The following ZDHHC11B variants were observed in gnomAD, a reference collection of about 807,000 sequenced individuals.
ZDHHC11B encodes the protein zDHHC palmitoyltransferase 11B (putative), also known as probable palmitoyltransferase ZDHHC11B.
ZDHHC11B carries 17 observed loss-of-function variants against 42.3 expected under a neutral mutation model. The ratio of observed to expected loss-of-function variants is 0.40; its 90% CI spans 0.27 to 0.60. The LOEUF (loss-of-function observed/expected upper bound fraction) is 0.60, where lower values mean the gene tolerates loss of function less well. ZDHHC11B is among the 20% of genes least tolerant of loss of function. The probability of loss-of-function intolerance (pLI) is 0.41; values close to 1 mark genes in which losing one functional copy is unlikely to be tolerated. For synonymous variants in ZDHHC11B, 123 were observed against 193.5 expected, an observed-to-expected ratio of 0.64 and a Z score of 3.02; for missense variants, 262 against 463.2, an observed-to-expected ratio of 0.57 and a Z score of 3.99.
chr5:720,661 ACT>A (rs1299572899), intron 12 of ZDHHC11B, among the ~76,000 whole-genome samples: 4 of 151,838 alleles, frequency 2.6e-5, no homozygotes, highest in African/African-American at 9.7e-5. Context: ...TGGGTTTGTA[ACT>A]CTTTTTTTCT....
At chr5:730,666 A>G (rs1284374635) in intron 11 of ZDHHC11B, among the ~76,000 whole-genome samples, 198 bp from the exon 12 acceptor site, 1 of 151,662 alleles carries the variant, frequency 6.6e-6, no homozygotes, top group African/African-American at 2.4e-5. Flanking sequence ...GCTGAACTAT[A>G]TCCTCCTCCA....
At chr5:753,230 TC>T (rs1290810285) in intron 6 of ZDHHC11B, among the ~76,000 whole-genome samples, 1 of 128,008 alleles carries the variant, frequency 7.8e-6, no homozygotes, top group Non-Finnish European at 1.8e-5. Flanking sequence ...CAGCTCGGCC[TC>T]CCTCGCGGGG....
intron 1 of ZDHHC11B, among the ~76,000 whole-genome samples, chr5:770,989 C>T (rs965922650): frequency 4.6e-5 from 7 of 151,862 alleles, no homozygotes; most frequent in African/African-American, 1.7e-4. Context: ...CCAGTCAGGC[C>T]CTGAAGGACT....
At position 766,847 on chromosome 5, in the gene ZDHHC11B, G is replaced by C; in HGVS notation, c.73C>G (p.Pro25Ala). The C allele has an allele frequency of 6.2e-7, 1 of 1,612,790 alleles. No individual in the cohort carries two copies. Among genetic ancestry groups the C allele is most frequent in the Non-Finnish European group, 8.5e-7 (1 of 1,179,236 alleles). The change falls in exon 4 of 14, where the codon CCG becomes GCG. Residue 25 changes from proline to alanine, a missense_variant. Physicochemically the swap from Pro to Ala is conservative, Grantham distance 27. This residue lies in a region of ZDHHC11B where 97 missense variants were observed against 98.1 expected (regional missense o/e 0.99). Coordinates refer to ENST00000508859, the MANE Select transcript of ZDHHC11B (RefSeq NM_001351303.2). ...AIRNNEELVL[P>A]PRISRVNGWS... The stretch of plus-strand genomic sequence containing the variant: ...CCGTTCACTCTGGAGATGCGGGGCG[G>C]CAAGACCAGCTCTTCATTGTTGCGT...
intron 12 of ZDHHC11B, among the ~76,000 whole-genome samples, chr5:717,906 T>C (rs1969080): frequency 0.5 from 74,395 of 149,840 alleles, 14,645 homozygotes; most frequent in African/African-American, 0.55. Flanking sequence ...CTTCCCAAAC[T>C]ATAGGCAACA....
intron 10 of ZDHHC11B, among the ~76,000 whole-genome samples, chr5:741,041 G>C (rs1345354191): frequency 5.2e-5 from 6 of 116,444 alleles, no homozygotes; most frequent in African/African-American, 1.7e-4. Context: ...GAAAATGCGC[G>C]TGCCCTTTGA....
chr5:777,269 A>C (rs1304231063), intron 1 of ZDHHC11B, among the ~76,000 whole-genome samples: 6 of 151,788 alleles, frequency 4.0e-5, no homozygotes, highest in Non-Finnish European at 4.4e-5. Flanking sequence ...GGAGTCATTC[A>C]TTCCTTCCCG....
chr5:770,604 A>G lies in ZDHHC11B; in HGVS notation c.-229-1674T>C, dbSNP rs1218108153. ...TGTGACGTGCTGCCTTCCTCTGGGA[A>G]GGTCCACAGCAGTCGTGCGACAGCC... On this transcript the variant is annotated intron_variant, in intron 1 of 13. Transcript: ENST00000508859. Among the ~76,000 whole-genome samples, 724 of 150,914 alleles carry G rather than the reference A, an allele frequency of 4.8e-3. 17 individuals carry two copies. Among genetic ancestry groups the G allele is most frequent in the African/African-American group, 0.016 (652 of 40,438 alleles).
At chr5:763,725 C>T (rs559617695) in intron 4 of ZDHHC11B, among the ~76,000 whole-genome samples, 29 of 151,736 alleles carry the variant, frequency 1.9e-4, no homozygotes, top group Non-Finnish European at 2.7e-4. Flanking sequence ...TGGATAAGAA[C>T]GAATACAGGA....
At chr5:762,542 C>T (rs1579409046) in intron 4 of ZDHHC11B, among the ~76,000 whole-genome samples, 1 of 151,756 alleles carries the variant, frequency 6.6e-6, no homozygotes, top group East Asian at 1.9e-4. Flanking sequence ...GACCCAGAGA[C>T]TGAGCCCCAA....
chr5:727,321 TC>T (rs1742668484), intron 12 of ZDHHC11B, among the ~76,000 whole-genome samples: 1 of 141,110 alleles, frequency 7.1e-6, no homozygotes, highest in Admixed American at 7.3e-5. Flanking sequence ...GACTTCTGGG[TC>T]CTTATTGTGG....
At chr5:778,293 G>C (rs1425344913) in intron 1 of ZDHHC11B, among the ~76,000 whole-genome samples, 1 of 151,630 alleles carries the variant, frequency 6.6e-6, no homozygotes, top group East Asian at 1.9e-4. Flanking sequence ...CCATGTCGGA[G>C]ACTCGGCGGC....
chr5:765,604 T>A (rs1398129840), intron 4 of ZDHHC11B, among the ~76,000 whole-genome samples: 1 of 151,890 alleles, frequency 6.6e-6, no homozygotes, highest in Admixed American at 6.6e-5. Flanking sequence ...GCAAACTGCT[T>A]GGGTTCTCTT....
intron 7 of ZDHHC11B, among the ~76,000 whole-genome samples, chr5:749,694 C>T (rs754699810): frequency 7.7e-6 from 1 of 130,108 alleles, no homozygotes; most frequent in Non-Finnish European, 1.7e-5. Context: ...CTGGCACTGC[C>T]GTGTGGAAGC....
At chr5:725,065 G>A (rs539225423) in intron 12 of ZDHHC11B, among the ~76,000 whole-genome samples, 1 of 151,208 alleles carries the variant, frequency 6.6e-6, no homozygotes, top group African/African-American at 2.4e-5. Context: ...CCAGCGTTGT[G>A]TGTCATAAAG....
intron 1 of ZDHHC11B, among the ~76,000 whole-genome samples, chr5:783,504 G>A (rs1300811146): frequency 6.6e-6 from 1 of 152,228 alleles, no homozygotes; most frequent in Non-Finnish European, 1.5e-5. Flanking sequence ...CGGGGTGGGC[G>A]GAGGGGCCCA....
intron 1 of ZDHHC11B, among the ~76,000 whole-genome samples, chr5:784,299 G>A (rs1737091935): frequency 6.6e-6 from 1 of 151,892 alleles, no homozygotes; most frequent in Non-Finnish European, 1.5e-5. Context: ...AACGGTTCCA[G>A]CCCCGGGCTG....
At chr5:778,773 G>A (rs1736747443) in intron 1 of ZDHHC11B, among the ~76,000 whole-genome samples, 1 of 151,824 alleles carries the variant, frequency 6.6e-6, no homozygotes, top group South Asian at 2.1e-4. Flanking sequence ...CTACCTAGAA[G>A]AGGCAGAAGA....
At chr5:774,474 G>C (rs1194381993) in intron 1 of ZDHHC11B, among the ~76,000 whole-genome samples, 2 of 152,190 alleles carry the variant, frequency 1.3e-5, no homozygotes, top group Non-Finnish European at 2.9e-5. Context: ...ACTAGGGCCG[G>C]GACCTGTCCC....
Sources: allele counts gnomAD v4.1 joint callset (sites outside exome capture counted in the v4.1 genomes callset), GRCh38; gene constraint gnomAD v4.1.1; regional missense constraint gnomAD v4.1.1; transcripts MANE v1.5; gene names NCBI Gene and HGNC (gene_info 2026-07-23, HGNC 2026-07-21).